Variants in MYO18A observed in about 807,000 individuals in gnomAD.
MYO18A encodes the protein unconventional myosin-XVIIIa.
MYO18A carries 78 observed loss-of-function variants against 235.8 expected under a neutral mutation model. That is an observed-to-expected ratio of 0.33 (90% CI 0.28 to 0.40). The LOEUF is 0.40. MYO18A is among the 10% of genes least tolerant of loss of function. The pLI, the probability that MYO18A is intolerant of heterozygous loss-of-function variation, is 1.00. For synonymous variants in MYO18A, 977 were observed against 1,077.8 expected (o/e 0.91, Z 1.83); for missense variants, 2,215 against 2,699.3 (o/e 0.82, Z 3.98).
At chr17:29,082,045 G>A (rs1469296708) in intron 41 of MYO18A, among the ~76,000 whole-genome samples, 2 of 152,212 alleles carry the variant, frequency 1.3e-5, no homozygotes, top group African/African-American at 4.8e-5. Context: ...ATCAACATTT[G>A]TTGAATGAAT....
In MYO18A at chr17:29,126,386, T is replaced by C. The variant is rs940289965; in HGVS notation, c.1000-4133A>G. ...GACCACGACACTCCCCACCTGCTTATGGGTTCTCCAGAGCGACCAACAGTT... is the reference window on the plus strand; with the variant it reads ...GACCACGACACTCCCCACCTGCTTACGGGTTCTCCAGAGCGACCAACAGTT... On this transcript the variant is annotated intron_variant, in intron 2 of 41. Coordinates refer to ENST00000527372, the MANE Select transcript of MYO18A (RefSeq NM_078471.4). The surrounding 1 kb of genome is among the most constrained non-coding windows in gnomAD (Gnocchi z 4.1). Among the ~76,000 whole-genome samples the C allele has an allele frequency of 4.6e-5, 7 of 152,166 alleles. No individual in the cohort carries two copies. Among genetic ancestry groups the C allele is most frequent in the Non-Finnish European group, 4.4e-5 (3 of 68,010 alleles).
intron 2 of MYO18A, chr17:29,124,725 G>A (rs2067280083): frequency 7.9e-7 from 1 of 1,269,410 alleles, no homozygotes; most frequent in Non-Finnish European, 1.0e-6. Flanking sequence ...AGAGAAGAAG[G>A]GTGAAGATAA....
Position 29,123,420 on chromosome 17 carries a change from G to A in MYO18A, c.1000-1167C>T, listed in dbSNP as rs796909729. 5.7e-4 allele frequency among the ~76,000 whole-genome samples: 87 copies of A among 152,354 alleles called. 1 individual carries two copies. Among genetic ancestry groups the A allele is most frequent in the African/African-American group, 1.7e-3 (70 of 41,586 alleles). On this transcript the variant is annotated intron_variant, in intron 2 of 41. Transcript: ENST00000527372. ...AACCTGAGGCCCAGGCATGGACACT[G>A]GCTGGGTCCTGACCCCCTGGGTGAG...
chr17:29,171,059 G>A (rs982831262), intron 1 of MYO18A, among the ~76,000 whole-genome samples: 3 of 152,194 alleles, frequency 2.0e-5, no homozygotes, highest in Non-Finnish European at 2.9e-5. Context: ...GATCGCATGA[G>A]GGAACTTTTT....
At chr17:29,092,310 C>G (rs764264673) in intron 34 of MYO18A, 33 bp downstream of exon 34, 1 of 1,552,836 alleles carries the variant, frequency 6.4e-7, no homozygotes, top group Non-Finnish European at 8.8e-7. Flanking sequence ...CCTCAGCCCC[C>G]CGAGCTCTGC....
intron 2 of MYO18A, among the ~76,000 whole-genome samples, chr17:29,146,032 C>T (rs763032521): frequency 6.6e-6 from 1 of 152,106 alleles, no homozygotes; most frequent in Non-Finnish European, 1.5e-5. Flanking sequence ...CCGAGGTGGG[C>T]GGACCACCTG....
Position 29,079,912 on chromosome 17 carries a change from G to A in MYO18A, c.6020+2404C>T, listed in dbSNP as rs938536477. On this transcript the variant is annotated intron_variant, in intron 41 of 41. Coordinates refer to ENST00000527372, the MANE Select transcript of MYO18A (RefSeq NM_078471.4). ...GACGGTCGAGCCGCTGGATGACGAC[G>A]AGGAGGACTCAGACTCCGTCTCCGT... is the stretch of plus-strand genomic sequence containing the variant. 7 of 985,800 alleles carry A rather than the reference G, an allele frequency of 7.1e-6. No individual in the cohort carries two copies. The African/African-American group carries it at 8.7e-5, about 12-fold the overall frequency. The allele number at this position is 985,800 out of a possible 1,614,324, so 61.1% of individuals were successfully genotyped here.
chr17:29,115,477 C>T (rs2067036764), intron 12 of MYO18A, 36 bp from the exon 13 acceptor site: 3 of 1,598,586 alleles, frequency 1.9e-6, no homozygotes, highest in African/African-American at 1.3e-5. Context: ...TCTCCTTCTC[C>T]CCAGGGCTCC....
chr17:29,083,553 C>CACGT (rs1272723912), intron 40 of MYO18A, among the ~76,000 whole-genome samples: 1 of 151,872 alleles, frequency 6.6e-6, no homozygotes, highest in Non-Finnish European at 1.5e-5. Context: ...CACACACACA[C>CACGT]ACACACGAAA....
chr17:29,121,571 C>A lies in MYO18A; in HGVS notation c.1347G>T (p.Gly449=). The change falls in exon 5 of 42, where the codon GGG becomes GGT. Residue 449 remains glycine, a synonymous_variant. Coordinates refer to ENST00000527372, the MANE Select transcript of MYO18A (RefSeq NM_078471.4). The surrounding 1 kb of genome is among the most constrained non-coding windows in gnomAD (Gnocchi z 4.2). ...GPSLLVLGPR[G]APAVYSEKVM... ...CCTTCTCAGAGTACACAGCAGGGGC[C>A]CCACGGGGGCCAAGAACCAGCAGGC... The A allele has an allele frequency of 6.2e-7, 1 of 1,604,150 alleles. No homozygotes were observed. Among genetic ancestry groups the A allele is most frequent in the Non-Finnish European group, 8.5e-7 (1 of 1,176,014 alleles).
chr17:29,164,834 T>C (rs1378562092), intron 2 of MYO18A, among the ~76,000 whole-genome samples: 2 of 152,230 alleles, frequency 1.3e-5, no homozygotes, highest in Non-Finnish European at 2.9e-5. Flanking sequence ...TCTCTGCTCC[T>C]GTGCCTCCTG....
chr17:29,153,251 C>A (rs1277990951), intron 2 of MYO18A, among the ~76,000 whole-genome samples: 1 of 151,968 alleles, frequency 6.6e-6, no homozygotes, highest in African/African-American at 2.4e-5. Context: ...TCTTGAGTAA[C>A]TGGGACTACA....
intron 1 of MYO18A, among the ~76,000 whole-genome samples, chr17:29,173,780 A>ATTT (rs892147417): frequency 2.4e-4 from 37 of 151,744 alleles, no homozygotes; most frequent in African/African-American, 8.0e-4. Flanking sequence ...AAAAAAAAAA[A>ATTT]TTTTTTTAAG....
Position 29,103,704 on chromosome 17 carries a change from T to G in MYO18A, c.3442-40A>C, listed in dbSNP as rs771233911. The G allele has an allele frequency of 6.9e-6, 11 of 1,600,968 alleles. No homozygotes were observed. The Admixed American group carries it at 1.8e-4, about 27-fold the overall frequency. On this transcript the variant is annotated intron_variant, in intron 20 of 41. Coordinates refer to ENST00000527372, the MANE Select transcript of MYO18A (RefSeq NM_078471.4). ...CTCTGTCAGGCAGCCCGCCTGGGCC[T>G]CCCCTCACCATGCAGGGCTTTCTCC...
In MYO18A at chr17:29,140,511, G is replaced by A; in HGVS notation, c.1000-18258C>T. On this transcript the variant is annotated intron_variant, in intron 2 of 41. Coordinates refer to ENST00000527372, the MANE Select transcript of MYO18A (RefSeq NM_078471.4). This position sits in a 1 kb window ranked among gnomAD's most constrained non-coding sequence, Gnocchi z 4.2. Reference sequence around the variant, plus strand: ...CCCTAGTTGGAGCCAGCAGCCCGGAGGACTTCGGGTATCAGGTATGCCAGG... The same window carrying A: ...CCCTAGTTGGAGCCAGCAGCCCGGAAGACTTCGGGTATCAGGTATGCCAGG... 1.1e-6 allele frequency: 1 copy of A among 916,056 alleles called. No homozygotes were observed. The highest frequency in any genetic ancestry group is 1.8e-5 in the South Asian group (1 of 56,580). 56.7% of individuals were successfully genotyped at this position (916,056 alleles called of 1,614,324 possible). A position where few individuals can be genotyped will look rare whatever the true frequency, so the allele number is the denominator to read the frequency against.
At chr17:29,083,534 A>ACACACACACACACACACACT (rs2066174645) in intron 40 of MYO18A, among the ~76,000 whole-genome samples, 1 of 145,528 alleles carries the variant, frequency 6.9e-6, no homozygotes, top group African/African-American at 2.7e-5. Flanking sequence ...GCGCGCGCGC[A>ACACACACACACACACACACT]CACACACACA....
chr17:29,174,580 T>C (rs956120897), intron 1 of MYO18A, among the ~76,000 whole-genome samples: 1 of 152,136 alleles, frequency 6.6e-6, no homozygotes, highest in East Asian at 1.9e-4. Flanking sequence ...TTTGGGAGGC[T>C]GAGGCAGGCA....
chr17:29,164,139 C>G (rs2068232088), intron 2 of MYO18A, among the ~76,000 whole-genome samples: 1 of 152,250 alleles, frequency 6.6e-6, no homozygotes, highest in African/African-American at 2.4e-5. Context: ...ATCCACCCGC[C>G]TCAGCCTCCC....
intron 41 of MYO18A, chr17:29,079,596 G>C: frequency 1.8e-6 from 1 of 566,034 alleles, no homozygotes; most frequent in Non-Finnish European, 2.2e-6. Context: ...GCAGCCAGGA[G>C]GCTCTCCGAG....
Sources: allele counts gnomAD v4.1 joint callset (sites outside exome capture counted in the v4.1 genomes callset), GRCh38; gene constraint gnomAD v4.1.1; non-coding constraint Gnocchi (gnomAD v3.1); transcripts MANE v1.5; gene names NCBI Gene and HGNC (gene_info 2026-07-23, HGNC 2026-07-21).